Variants in ACSM6 observed in about 807,000 individuals in gnomAD.
The protein encoded by ACSM6 is acyl-coenzyme A synthetase ACSM6, mitochondrial.
ACSM6 carries 35 observed loss-of-function variants against 51.1 expected under a neutral mutation model. That is an observed-to-expected ratio of 0.69 (90% CI 0.52 to 0.91). The LOEUF (loss-of-function observed/expected upper bound fraction) is 0.91. ACSM6 is among the 40% of genes least tolerant of loss of function. ACSM6 has a pLI of 0.00. For synonymous variants in ACSM6, 172 were observed against 207.3 expected, an observed-to-expected ratio of 0.83 and a Z score of 1.46; for missense variants, 509 against 584.1, an observed-to-expected ratio of 0.87 and a Z score of 1.32.
chr10:95,206,688 A>G (rs1589493045), intron 3 of ACSM6, among the ~76,000 whole-genome samples: 1 of 152,232 alleles, frequency 6.6e-6, no homozygotes, highest in Non-Finnish European at 1.5e-5. Context: ...CCTCTGGCAC[A>G]CAGATGCAAC....
At chr10:95,196,069 G>T (rs1172490836) in intron 2 of ACSM6, among the ~76,000 whole-genome samples, 3 of 151,226 alleles carry the variant, frequency 2.0e-5, no homozygotes, top group African/African-American at 4.8e-5. Flanking sequence ...CTTAGCTTGT[G>T]TTCTACCACC....
chr10:95,200,348 G>T (rs2034779005), intron 2 of ACSM6, among the ~76,000 whole-genome samples: 1 of 123,400 alleles, frequency 8.1e-6, no homozygotes, highest in African/African-American at 3.0e-5. Context: ...GGACTGTTGT[G>T]GGGTGGGGGG....
At chr10:95,201,761 T>C (rs2034796235) in intron 2 of ACSM6, 1 of 580,664 alleles carries the variant, frequency 1.7e-6, no homozygotes, top group African/African-American at 1.9e-5. Flanking sequence ...CAGGAGGTTC[T>C]TCCCTAGGCT....
intron 9 of ACSM6, among the ~76,000 whole-genome samples, chr10:95,224,692 G>A (rs1181084289): frequency 1.3e-5 from 2 of 152,132 alleles, no homozygotes; most frequent in Non-Finnish European, 2.9e-5. Context: ...GAGCCACCAC[G>A]CCCAGCCAAT....
chr10:95,204,725 T>G (rs2034826280), intron 3 of ACSM6, among the ~76,000 whole-genome samples: 1 of 152,008 alleles, frequency 6.6e-6, no homozygotes, highest in Non-Finnish European at 1.5e-5. Flanking sequence ...AAAATTGAAA[T>G]GTTAGAAAAG....
intron 2 of ACSM6, chr10:95,201,448 G>A (rs1479406021): frequency 8.8e-6 from 4 of 455,050 alleles, no homozygotes; most frequent in African/African-American, 2.0e-5. Flanking sequence ...TAGGATAATG[G>A]CCTTCAGCTC....
At chr10:95,209,102 T>G (rs1479245406) in intron 4 of ACSM6, among the ~76,000 whole-genome samples, 1 of 151,968 alleles carries the variant, frequency 6.6e-6, no homozygotes, top group African/African-American at 2.4e-5. Flanking sequence ...ATTAAATAAA[T>G]TGGTCTGATG....
intron 3 of ACSM6, among the ~76,000 whole-genome samples, chr10:95,203,325 G>A (rs1166430015): frequency 6.6e-6 from 1 of 152,058 alleles, no homozygotes; most frequent in Non-Finnish European, 1.5e-5. Context: ...ATGATGAGTT[G>A]TATAATTATT....
intron 3 of ACSM6, among the ~76,000 whole-genome samples, chr10:95,203,468 A>G (rs994395046): frequency 6.6e-6 from 1 of 152,146 alleles, no homozygotes; most frequent in South Asian, 2.1e-4. Flanking sequence ...AGGTGCCAAG[A>G]AGGTTGGGGA....
chr10:95,224,463 C>A (rs2035020587), intron 9 of ACSM6, among the ~76,000 whole-genome samples: 1 of 152,224 alleles, frequency 6.6e-6, no homozygotes, highest in South Asian at 2.1e-4. Context: ...GTTGCCCAGG[C>A]TGGGGTGCAA....
At chr10:95,207,161 TC>T in intron 3 of ACSM6, 46 bp from the exon 4 acceptor site, 1 of 1,585,222 alleles carries the variant, frequency 6.3e-7, no homozygotes, top group South Asian at 1.1e-5. Flanking sequence ...GGAAAAATTC[TC>T]TACTCAAAAG....
intron 3 of ACSM6, 88 bp downstream of exon 3, chr10:95,202,283 C>G: frequency 8.5e-7 from 1 of 1,180,220 alleles, no homozygotes; most frequent in Non-Finnish European, 1.2e-6. Context: ...TTAGAGGGAT[C>G]TCTATCTGAT....
exon 8 of ACSM6, chr10:95,214,937 A>G: frequency 1.3e-6 from 2 of 1,551,632 alleles, no homozygotes; most frequent in Non-Finnish European, 1.7e-6. Context: ...ACGCATCACT[A>G]AGTTGGACAT....
intron 5 of ACSM6, among the ~76,000 whole-genome samples, chr10:95,211,625 T>A (rs955981173): frequency 2.6e-5 from 4 of 152,218 alleles, no homozygotes; most frequent in African/African-American, 9.6e-5. Flanking sequence ...GATTAATTAA[T>A]TTAATTAATT....
At chr10:95,214,681 G>C (rs2034926111) in intron 7 of ACSM6, among the ~76,000 whole-genome samples, 171 bp from the exon 8 acceptor site, 1 of 152,136 alleles carries the variant, frequency 6.6e-6, no homozygotes, top group Non-Finnish European at 1.5e-5. Flanking sequence ...GATCTAACTG[G>C]GGTGTCTGAA....
At chr10:95,200,487 T>TGAA (rs1164887209) in intron 2 of ACSM6, among the ~76,000 whole-genome samples, 1 of 136,956 alleles carries the variant, frequency 7.3e-6, no homozygotes, top group East Asian at 2.1e-4. Context: ...CCCTAAAACT[T>TGAA]GAAGAAGAAG....
At chr10:95,212,337 T>G (rs1185159688) in intron 6 of ACSM6, among the ~76,000 whole-genome samples, 1 of 152,162 alleles carries the variant, frequency 6.6e-6, no homozygotes, top group East Asian at 1.9e-4. Flanking sequence ...TTACTGGCAC[T>G]TCATATGGAT....
intron 2 of ACSM6, among the ~76,000 whole-genome samples, chr10:95,197,774 C>T (rs1025945556): frequency 2.0e-5 from 3 of 151,210 alleles, no homozygotes; most frequent in Non-Finnish European, 4.4e-5. Context: ...AGACCCTTTA[C>T]GGGTGTCGGG....
chr10:95,217,131 C>T (rs562703150), intron 8 of ACSM6, among the ~76,000 whole-genome samples: 6 of 152,252 alleles, frequency 3.9e-5, no homozygotes, highest in African/African-American at 1.4e-4. Flanking sequence ...AGGCAAATCA[C>T]AAGGTCAAGA....
Sources: allele counts gnomAD v4.1 joint callset (sites outside exome capture counted in the v4.1 genomes callset), GRCh38; gene constraint gnomAD v4.1.1; transcripts MANE v1.5; gene names NCBI Gene and HGNC (gene_info 2026-07-23, HGNC 2026-07-21).